Variants in ASB4 observed in about 807,000 individuals in gnomAD.
The protein encoded by ASB4 is ankyrin repeat and SOCS box protein 4.
In ASB4, 35 loss-of-function variants were observed where a neutral mutation model predicts 38.6. The ratio of observed to expected loss-of-function variants is 0.91; its 90% CI spans 0.69 to 1.20. The LOEUF (loss-of-function observed/expected upper bound fraction) is 1.20. Ranked by LOEUF, ASB4 falls within the 50% of genes most tolerant of loss-of-function variation. The pLI is 0.00. For missense variants in ASB4, 557 were observed against 527.2 expected (o/e 1.06, Z -0.55); for synonymous variants, 195 against 201.3 (o/e 0.97, Z 0.26).
At chr7:95,528,529 A>G in intron 3 of ASB4, 1 of 1,428,194 alleles carries the variant, frequency 7.0e-7, no homozygotes, top group Non-Finnish European at 9.1e-7. Context: ...AAAGAGTAGC[A>G]AATAATTTGT....
At chr7:95,530,038 A>C (rs574969372) in intron 3 of ASB4, among the ~76,000 whole-genome samples, 9 of 152,038 alleles carry the variant, frequency 5.9e-5, no homozygotes, top group African/African-American at 1.9e-4. Flanking sequence ...GGGAGACAGG[A>C]AACAAACAAA....
rs1378975507 is a variant in ASB4 at position 95,526,825 on chromosome 7, T to C, written c.488-988T>C. Among the ~76,000 whole-genome samples the C allele has an allele frequency of 2.0e-5, 3 of 152,228 alleles. No individual in the cohort carries two copies. The East Asian group carries it at 5.8e-4, about 29-fold the overall frequency. ...CTATAAAAAATTCCAGCAGCGCTGA[T>C]ATTAGAGTTGGCCCCCTAAGGGTCA... On this transcript the variant is annotated intron_variant, in intron 2 of 4. Transcript: ENST00000325885.
intron 1 of ASB4, among the ~76,000 whole-genome samples, chr7:95,492,076 C>G (rs1481367310): frequency 6.6e-6 from 1 of 152,182 alleles, no homozygotes; most frequent in African/African-American, 2.4e-5. Context: ...GTCTTGTTAC[C>G]ACCTACCTAC....
chr7:95,477,206 GAC>G (rs1215672551), upstream of ASB4, among the ~76,000 whole-genome samples: 1 of 151,996 alleles, frequency 6.6e-6, no homozygotes, highest in Non-Finnish European at 1.5e-5. Flanking sequence ...GTCCCTAAAA[GAC>G]AACTAGCAGC....
rs1790932386 is a variant in ASB4 at position 95,538,844 on chromosome 7, C to A, written c.*1085C>A. On this transcript the variant is annotated 3_prime_UTR_variant, in exon 5 of 5. Transcript: ENST00000325885. The stretch of plus-strand genomic sequence containing the variant: ...TGATTACTTCGGTCTTTTTATGTAG[C>A]AGACTGACATTTCATAGCATTGTAG... 6.6e-6 allele frequency: 1 copy of A among 152,118 alleles called. No individual in the cohort carries two copies. Among genetic ancestry groups the A allele is most frequent in the African/African-American group, 2.4e-5 (1 of 41,406 alleles). 9.4% of individuals were successfully genotyped at this position (152,118 alleles called of 1,614,324 possible).
intron 1 of ASB4, among the ~76,000 whole-genome samples, chr7:95,480,103 C>A (rs1318559574): frequency 6.6e-6 from 1 of 152,150 alleles, no homozygotes; most frequent in African/African-American, 2.4e-5. Flanking sequence ...GTGGAGGAGA[C>A]TTTTCTTACT....
upstream of ASB4, among the ~76,000 whole-genome samples, chr7:95,482,797 T>C (rs1585790789): frequency 6.6e-6 from 1 of 152,302 alleles, no homozygotes; most frequent in East Asian, 1.9e-4. Flanking sequence ...ATATATAGCC[T>C]GATCCAGGGG....
At chr7:95,512,734 G>A (rs539452116) in intron 2 of ASB4, among the ~76,000 whole-genome samples, 7 of 152,268 alleles carry the variant, frequency 4.6e-5, no homozygotes, top group Admixed American at 3.3e-4. Context: ...TGAAATTAGG[G>A]CCTATAGCTA....
At chr7:95,515,612 C>T (rs953424914) in intron 2 of ASB4, among the ~76,000 whole-genome samples, 6 of 151,980 alleles carry the variant, frequency 3.9e-5, no homozygotes, top group African/African-American at 7.3e-5. Context: ...GACGGGGTTT[C>T]CCCATGTTGA....
intron 2 of ASB4, among the ~76,000 whole-genome samples, chr7:95,525,507 A>G (rs1790724807): frequency 6.6e-6 from 1 of 152,180 alleles, no homozygotes; most frequent in Non-Finnish European, 1.5e-5. Context: ...AGGAACTCCT[A>G]TTCAGAAAAG....
intron 2 of ASB4, among the ~76,000 whole-genome samples, chr7:95,525,456 T>A (rs1247084259): frequency 2.6e-5 from 4 of 152,020 alleles, no homozygotes; most frequent in African/African-American, 9.7e-5. Flanking sequence ...ATATATTTCC[T>A]GGAAAAGTTA....
chr7:95,528,159 C>A lies in ASB4; in HGVS notation c.834C>A (p.Ala278=), dbSNP rs1440625154. The A allele has an allele frequency of 1.9e-6, 3 of 1,614,088 alleles. No individual in the cohort carries two copies. Among genetic ancestry groups the A allele is most frequent in the Non-Finnish European group, 2.5e-6 (3 of 1,180,044 alleles). ...MHMMLEAGAE[A]NLMDINGCAA... Reference sequence around the variant, plus strand: ...TGATGCTGGAAGCTGGCGCCGAAGCCAATCTCATGGATATCAACGGCTGTG... The same window carrying A: ...TGATGCTGGAAGCTGGCGCCGAAGCAAATCTCATGGATATCAACGGCTGTG... The change falls in exon 3 of 5, where the codon GCC becomes GCA. Residue 278 remains alanine (A), a synonymous_variant. Transcript: ENST00000325885.
At position 95,539,079 on chromosome 7, in the gene ASB4, T is replaced by C. The variant is rs555106186; in HGVS notation, c.*1320T>C. The C allele has an allele frequency of 1.6e-4, 11 of 67,810 alleles. No individual in the cohort carries two copies. The highest frequency in any genetic ancestry group is 8.3e-4 in the African/African-American group (10 of 12,120). 4.2% of individuals were successfully genotyped at this position (67,810 alleles called of 1,614,324 possible). A position where few individuals can be genotyped will look rare whatever the true frequency, so the allele number is the denominator to read the frequency against. ...CAATTTTGCTTCACTTTTTTTTTTGTTCTTGCTATAATCACTTTTAGATAA... is the reference window on the plus strand; with the variant it reads ...CAATTTTGCTTCACTTTTTTTTTTGCTCTTGCTATAATCACTTTTAGATAA... On this transcript the variant is annotated 3_prime_UTR_variant, in exon 5 of 5. Coordinates refer to ENST00000325885, the MANE Select transcript of ASB4 (RefSeq NM_016116.3).
intron 2 of ASB4, among the ~76,000 whole-genome samples, chr7:95,515,213 CTTTCTTTCTTTCTTTCTT>C (rs1562816997): frequency 2.4e-5 from 3 of 122,922 alleles, no homozygotes; most frequent in Admixed American, 7.8e-5. Context: ...TTCTTTCTTT[CTTTCTTTCTTTCTTTCTT>C]TTTCTTTCTT....
intron 1 of ASB4, among the ~76,000 whole-genome samples, chr7:95,480,111 A>T (rs1471604267): frequency 2.6e-5 from 4 of 152,128 alleles, no homozygotes. Flanking sequence ...GACTTTTCTT[A>T]CTTGTTGGTC....
chr7:95,544,405 G>T (rs1791007963), downstream of ASB4: 1 of 152,158 alleles, frequency 6.6e-6, no homozygotes, highest in Non-Finnish European at 1.5e-5. Flanking sequence ...ATCCATCAAG[G>T]AAAACACAGG....
chr7:95,512,110 T>TC (rs60991985), intron 2 of ASB4, among the ~76,000 whole-genome samples: 1,845 of 152,250 alleles, frequency 0.012, 34 homozygotes, highest in African/African-American at 0.042. Context: ...TAACACTTGA[T>TC]CCTCCCATGC....
At chr7:95,549,234 G>A in the ASB4 span, among the ~76,000 whole-genome samples, 1 of 151,572 alleles carries the variant, frequency 6.6e-6, no homozygotes, top group Non-Finnish European at 1.5e-5. Flanking sequence ...TGGTTAAAGT[G>A]CCTGAAATAT....
chr7:95,492,116 G>A (rs1790180240), intron 1 of ASB4, among the ~76,000 whole-genome samples: 1 of 152,198 alleles, frequency 6.6e-6, no homozygotes, highest in African/African-American at 2.4e-5. Context: ...GAGGTGAGTT[G>A]TAACCACAAC....
Sources: gnomAD v4.1 joint callset for allele counts (sites outside exome capture counted in the v4.1 genomes callset) on GRCh38, gnomAD v4.1.1 for gene constraint, MANE v1.5 for transcripts, NCBI Gene and HGNC (gene_info 2026-07-23, HGNC 2026-07-21) for gene names.